The following ELK3 variants were observed in gnomAD, a reference collection of about 807,000 sequenced individuals.
ELK3 encodes the protein ETS transcription factor ELK3, also known as ETS domain-containing protein Elk-3.
A neutral mutation model predicts 28.9 loss-of-function variants in ELK3; 10 were observed. The observed-to-expected ratio is 0.35, with a 90% CI of 0.21 to 0.59. The LOEUF (loss-of-function observed/expected upper bound fraction) is 0.59. Ranked by LOEUF, ELK3 falls within the 20% of genes least tolerant of loss-of-function variation. The pLI, the probability that ELK3 is intolerant of heterozygous loss-of-function variation, is 0.82. For missense variants in ELK3, 463 were observed against 517.3 expected, an observed-to-expected ratio of 0.90 and a Z score of 1.02; for synonymous variants, 272 against 243.5, an observed-to-expected ratio of 1.12 and a Z score of -1.09.
intron 1 of ELK3, among the ~76,000 whole-genome samples, chr12:96,209,007 G>A (rs1310377125): frequency 6.6e-6 from 1 of 152,202 alleles, no homozygotes; most frequent in Non-Finnish European, 1.5e-5. Flanking sequence ...CTTCTGAGAG[G>A]AAGGGGTGAT....
intron 1 of ELK3, among the ~76,000 whole-genome samples, chr12:96,200,974 T>C (rs934680504): frequency 6.6e-6 from 1 of 152,218 alleles, no homozygotes; most frequent in Non-Finnish European, 1.5e-5. Context: ...CTGGCTAATT[T>C]TTTTATTTTT....
At chr12:96,215,227 A>T (rs894580614) in intron 1 of ELK3, among the ~76,000 whole-genome samples, 1 of 152,096 alleles carries the variant, frequency 6.6e-6, no homozygotes, top group African/African-American at 2.4e-5. Context: ...GGAACATGCA[A>T]AGGGAAGTGC....
At chr12:96,222,396 A>G (rs904356733) in intron 1 of ELK3, among the ~76,000 whole-genome samples, 2 of 152,056 alleles carry the variant, frequency 1.3e-5, no homozygotes, top group Admixed American at 6.6e-5. Context: ...AAAGGATAAC[A>G]TTGTATATAT....
At chr12:96,222,069 T>C (rs1013233811) in intron 1 of ELK3, among the ~76,000 whole-genome samples, 2 of 152,182 alleles carry the variant, frequency 1.3e-5, no homozygotes, top group Non-Finnish European at 2.9e-5. Flanking sequence ...CCTAGCTCTC[T>C]GTGCCACTCA....
intron 2 of ELK3, among the ~76,000 whole-genome samples, chr12:96,226,840 A>G (rs1038735258): frequency 6.6e-6 from 1 of 152,142 alleles, no homozygotes; most frequent in Admixed American, 6.5e-5. Flanking sequence ...AAGAAAAGAG[A>G]TGGTTGAGGG....
At chr12:96,235,322 G>C (rs932469697) in intron 2 of ELK3, among the ~76,000 whole-genome samples, 16 of 151,436 alleles carry the variant, frequency 1.1e-4, no homozygotes, top group African/African-American at 3.9e-4. Context: ...CGCCTCACTT[G>C]GTGATGGCCG....
intron 1 of ELK3, among the ~76,000 whole-genome samples, chr12:96,218,988 A>C (rs1265807668): frequency 6.6e-6 from 1 of 152,226 alleles, no homozygotes; most frequent in East Asian, 1.9e-4. Flanking sequence ...AATTTTAAAA[A>C]AAAGATTTCT....
chr12:96,254,078 T>A (rs1565791510), intron 3 of ELK3, among the ~76,000 whole-genome samples: 1 of 152,162 alleles, frequency 6.6e-6, no homozygotes, highest in Non-Finnish European at 1.5e-5. Context: ...GTAATCCCAA[T>A]ATTTAGGGAG....
At chr12:96,225,525 T>G (rs930482337) in intron 2 of ELK3, among the ~76,000 whole-genome samples, 4 of 152,206 alleles carry the variant, frequency 2.6e-5, no homozygotes, top group African/African-American at 9.7e-5. Context: ...ACGTCTAAGG[T>G]GCTGTGCTGA....
intron 1 of ELK3, among the ~76,000 whole-genome samples, chr12:96,209,483 C>G (rs1372378700): frequency 1.3e-5 from 2 of 152,314 alleles, no homozygotes; most frequent in South Asian, 4.1e-4. Context: ...CAAAAAGGTT[C>G]TCATTGCACT....
chr12:96,242,479 C>T (rs1486295770), intron 2 of ELK3, among the ~76,000 whole-genome samples: 4 of 152,198 alleles, frequency 2.6e-5, no homozygotes, highest in African/African-American at 9.6e-5. Flanking sequence ...TGTATTATTC[C>T]TGACACTGAG....
chr12:96,251,776 T>C (rs1951908810), intron 3 of ELK3, among the ~76,000 whole-genome samples: 1 of 152,182 alleles, frequency 6.6e-6, no homozygotes. Flanking sequence ...GCGAAGAAGC[T>C]GCAGAAGAAA....
intron 1 of ELK3, among the ~76,000 whole-genome samples, chr12:96,210,597 A>ACACACACACCCCCCCC (rs1416746905): frequency 6.7e-6 from 1 of 148,958 alleles, no homozygotes. Context: ...ACACACACAC[A>ACACACACACCCCCCCC]CCCCGAGTGG....
chr12:96,194,560 C>T lies in ELK3; in HGVS notation c.-148C>T. Reference sequence around the variant, plus strand: ...ACCAGAGGGGAAAAAAAAAGAGGAGCGAGAGAAAGAAAAAAAGGGGGAAAA... The same window carrying T: ...ACCAGAGGGGAAAAAAAAAGAGGAGTGAGAGAAAGAAAAAAAGGGGGAAAA... On this transcript the variant is annotated 5_prime_UTR_variant, in exon 1 of 5. Transcript: ENST00000228741. 6.7e-6 allele frequency: 1 copy of T among 149,532 alleles called. No homozygotes were observed. The highest frequency in any genetic ancestry group is 1.5e-5 in the Non-Finnish European group (1 of 67,216). The allele number at this position is 149,532 out of a possible 1,614,324, so 9.3% of individuals were successfully genotyped here.
intron 1 of ELK3, among the ~76,000 whole-genome samples, chr12:96,211,486 TTTGTGTGTGTGTGTGTG>T (rs1268812126): frequency 2.3e-5 from 3 of 133,320 alleles, no homozygotes; most frequent in Admixed American, 1.5e-4. Context: ...TCATTGTGTG[TTTGTGTGTGTGTGTGTG>T]TGTGTGTGTG....
Position 96,247,767 on chromosome 12 carries a change from C to T in ELK3, c.1002+33C>T, listed in dbSNP as rs770312141. 4.0e-6 allele frequency: 6 copies of T among 1,482,460 alleles called. No homozygotes were observed. The South Asian group carries it at 6.8e-5, about 17-fold the overall frequency. 91.8% of individuals were successfully genotyped at this position (1,482,460 alleles called of 1,614,324 possible). Reference sequence around the variant, plus strand: ...TCATTCCTGTCATCTAAGCCACAGCCAGCTTCAGTGGCTTAGCAAAAAAGG... The same window carrying T: ...TCATTCCTGTCATCTAAGCCACAGCTAGCTTCAGTGGCTTAGCAAAAAAGG... On this transcript the variant is annotated intron_variant, in intron 3 of 4. Transcript: ENST00000228741. This position sits in a 1 kb window ranked among gnomAD's most constrained non-coding sequence, Gnocchi z 5.5.
chr12:96,218,157 C>A (rs909205339), intron 1 of ELK3, among the ~76,000 whole-genome samples: 4 of 152,052 alleles, frequency 2.6e-5, no homozygotes, highest in Non-Finnish European at 5.9e-5. Flanking sequence ...AGTGGGTGGA[C>A]CTCAGCCCCC....
intron 1 of ELK3, among the ~76,000 whole-genome samples, chr12:96,201,355 T>C (rs536789981): frequency 6.6e-6 from 1 of 152,108 alleles, no homozygotes; most frequent in African/African-American, 2.4e-5. Context: ...GTGCAGTGGC[T>C]CACATGTGTC....
chr12:96,234,987 G>A (rs568653118), intron 2 of ELK3, among the ~76,000 whole-genome samples: 1 of 152,274 alleles, frequency 6.6e-6, no homozygotes, highest in South Asian at 2.1e-4. Context: ...AATGACAGTG[G>A]AAAAACTGCT....
Sources: gnomAD v4.1 joint callset for allele counts (sites outside exome capture counted in the v4.1 genomes callset) on GRCh38, gnomAD v4.1.1 for gene constraint, Gnocchi (gnomAD v3.1) non-coding constraint, MANE v1.5 for transcripts, NCBI Gene and HGNC (gene_info 2026-07-23, HGNC 2026-07-21) for gene names.